Variants in CHD3 observed in about 807,000 individuals in gnomAD.
CHD3 encodes chromodomain helicase DNA binding protein 3.
Under a neutral mutation model 248.9 loss-of-function variants are expected in CHD3, and 52 were observed. The ratio of observed to expected loss-of-function variants is 0.21; its 90% CI spans 0.17 to 0.26. The LOEUF is 0.26. Ranked by LOEUF, CHD3 falls within the 10% of genes least tolerant of loss-of-function variation. The probability of loss-of-function intolerance (pLI) is 1.00; values close to 1 mark genes in which losing one functional copy is unlikely to be tolerated. For missense variants in CHD3, 1,482 were observed against 2,605.8 expected, an observed-to-expected ratio of 0.57 and a Z score of 9.39; for synonymous variants, 985 against 985.2, an observed-to-expected ratio of 1.00 and a Z score of 0.00.
chr17:7,889,804 G>A lies in CHD3; in HGVS notation c.213+28G>A. The A allele has an allele frequency of 6.3e-7, 1 of 1,580,148 alleles. No individual in the cohort carries two copies. The highest frequency in any genetic ancestry group is 8.6e-7 in the Non-Finnish European group (1 of 1,157,160). ...AAGTGTCAAGAATTCCTAACTCTGT[G>A]GCAAGGCTCAAGAGACCCATTCTCA... On this transcript the variant is annotated intron_variant, in intron 2 of 39. Transcript: ENST00000330494. The surrounding 1 kb of genome is among the most constrained non-coding windows in gnomAD (Gnocchi z 4.5).
chr17:7,904,238 G>A lies in CHD3; in HGVS notation c.3895-204G>A, dbSNP rs1970646380. 1.6e-6 allele frequency: 1 copy of A among 626,798 alleles called. No individual in the cohort carries two copies. The highest frequency in any genetic ancestry group is 2.8e-6 in the Non-Finnish European group (1 of 358,928). The allele number at this position is 626,798 out of a possible 1,614,324, so 38.8% of individuals were successfully genotyped here. On this transcript the variant is annotated intron_variant, in intron 24 of 39. Transcript: ENST00000330494. The surrounding 1 kb of genome is among the most constrained non-coding windows in gnomAD (Gnocchi z 4.4). ...ACACTGTCAGAGGGATTAGAGGAGAGATTTAGAAAACATGAGGAGAGCACA... is the reference window on the plus strand; with the variant it reads ...ACACTGTCAGAGGGATTAGAGGAGAAATTTAGAAAACATGAGGAGAGCACA...
At chr17:7,884,979 ACGACCGGGGCCG>A (rs1967523566), upstream of CHD3, 2 of 1,237,820 alleles carry the variant, frequency 1.6e-6, no homozygotes, top group African/African-American at 1.6e-5. Flanking sequence ...GGGCCGGGCC[ACGACCGGGGCCG>A]CGACCGCCAC....
In CHD3 at chr17:7,899,976, C is replaced by G; in HGVS notation, c.2625C>G (p.Ile875Met). 1 of 1,614,114 alleles carries G rather than the reference C, an allele frequency of 6.2e-7. No homozygotes were observed. Among genetic ancestry groups the G allele is most frequent in the Non-Finnish European group, 8.5e-7 (1 of 1,180,018 alleles). ...ITIDQAALGS[I>M]RWACLVVDEA... ...TTGATCAGGCAGCACTTGGTTCCAT[C>G]CGCTGGGCCTGTCTTGTGGTAGATG... is the stretch of plus-strand genomic sequence containing the variant. Residue 875 changes from isoleucine to methionine, a missense_variant, in exon 16 of 40, where the codon ATC (isoleucine) becomes ATG (methionine). By Grantham distance (10) the Ile-to-Met change is conservative. Transcript: ENST00000330494. This position sits in a 1 kb window ranked among gnomAD's most constrained non-coding sequence, Gnocchi z 6.8.
At chr17:7,885,031 G>A (rs1282202075), upstream of CHD3, 5 of 1,118,116 alleles carry the variant, frequency 4.5e-6, no homozygotes, top group East Asian at 4.6e-5. Context: ...TCTTCCCGCC[G>A]CCGCCGCCGC....
At chr17:7,891,183 A>G (rs1389878176) in intron 4 of CHD3, 119 bp downstream of exon 4, 1 of 1,195,336 alleles carries the variant, frequency 8.4e-7, no homozygotes, top group East Asian at 2.4e-5. Context: ...CGGTGTATAC[A>G]CACCAAATTC....
At chr17:7,893,003 T>C (rs917782460) in intron 4 of CHD3, among the ~76,000 whole-genome samples, 4 of 152,000 alleles carry the variant, frequency 2.6e-5, no homozygotes, top group African/African-American at 9.7e-5. Flanking sequence ...GCTTATCTCA[T>C]AGCCCTGGGC....
In CHD3 at chr17:7,903,120, A is replaced by C; in HGVS notation, c.3495+59A>C. 6.3e-7 allele frequency: 1 copy of C among 1,592,590 alleles called. No individual in the cohort carries two copies. Among genetic ancestry groups the C allele is most frequent in the South Asian group, 1.1e-5 (1 of 89,326 alleles). On this transcript the variant is annotated intron_variant, in intron 22 of 39. Transcript: ENST00000330494. This position sits in a 1 kb window ranked among gnomAD's most constrained non-coding sequence, Gnocchi z 6.8. Reference sequence around the variant, plus strand: ...TTAGCAAGGAGATGTGGGTTCATGGAGGAGGGTGTCATGTTCCGGGGTCAG... The same window carrying C: ...TTAGCAAGGAGATGTGGGTTCATGGCGGAGGGTGTCATGTTCCGGGGTCAG...
At chr17:7,885,171 G>A, upstream of CHD3, 1 of 980,628 alleles carries the variant, frequency 1.0e-6, no homozygotes, top group Non-Finnish European at 1.2e-6. Context: ...CCACCGCGCG[G>A]CCGAGCCGAG....
rs1391986647 is a variant in CHD3, at chr17:7,903,908, A to G, written c.3811A>G (p.Thr1271Ala). The change falls in exon 24 of 40, where the codon ACT becomes GCT. Residue 1271 changes from threonine to alanine, a missense_variant. By Grantham distance (58) the Thr-to-Ala change is moderately conservative (BLOSUM62 0). Coordinates refer to ENST00000330494, the MANE Select transcript of CHD3 (RefSeq NM_001005273.3). This position sits in a 1 kb window ranked among gnomAD's most constrained non-coding sequence, Gnocchi z 6.8. ...GCTGTTGGACCGGAACCAGGATGCA[A>G]CTGAGGACACTGACGTGCAGAACAT... The part of the protein sequence containing the change: ...ARLLDRNQDA[T>A]EDTDVQNMNE... The G allele has an allele frequency of 9.9e-6, 16 of 1,614,182 alleles. No homozygotes were observed. The highest frequency in any genetic ancestry group is 1.4e-5 in the Non-Finnish European group (16 of 1,180,016).
At position 7,909,257 on chromosome 17, in the gene CHD3, G is replaced by C; in HGVS notation, c.5509G>C (p.Glu1837Gln). The change falls in exon 37 of 40, where the codon GAG becomes CAG. Residue 1837 changes from glutamate to glutamine, a missense_variant. Glu to Gln is a conservative substitution (Grantham distance 29). Transcript: ENST00000330494. The surrounding 1 kb of genome is among the most constrained non-coding windows in gnomAD (Gnocchi z 8.1). ...MALHARFAEA[E>Q]CLAESHQHLS... The stretch of plus-strand genomic sequence containing the variant: ...CCTCCACGCCCGCTTCGCCGAGGCC[G>C]AGTGCCTGGCCGAGAGCCACCAGCA... 1 of 1,555,226 alleles carries C rather than the reference G, an allele frequency of 6.4e-7. No individual in the cohort carries two copies. Among genetic ancestry groups the C allele is most frequent in the Non-Finnish European group, 8.7e-7 (1 of 1,150,902 alleles).
rs1567863393 is a variant in CHD3, at chr17:7,904,332, G to T, written c.3895-110G>T. 3 of 996,454 alleles carry T rather than the reference G, an allele frequency of 3.0e-6. No individual in the cohort carries two copies. In the East Asian group the frequency reaches 7.2e-5, roughly 24 times the overall value. 61.7% of individuals were successfully genotyped at this position (996,454 alleles called of 1,614,324 possible). A position where few individuals can be genotyped will look rare whatever the true frequency, so the allele number is the denominator to read the frequency against. On this transcript the variant is annotated intron_variant, in intron 24 of 39. Transcript: ENST00000330494. This position sits in a 1 kb window ranked among gnomAD's most constrained non-coding sequence, Gnocchi z 4.4. ...ATGTATGCAGAGCCACGAAGCTGCA[G>T]GAGTGGGGAGACCGGATTGGGCTGA...
In CHD3 at chr17:7,895,939, T is replaced by C. The variant is rs935849756; in HGVS notation, c.1707+397T>C. ...AACCCCATCTCTGTTTAAAAAAAAA[T>C]TCTCGGCTGGGTGTGGTGGCTCACG... On this transcript the variant is annotated intron_variant, in intron 10 of 39. Transcript: ENST00000330494. The surrounding 1 kb of genome is among the most constrained non-coding windows in gnomAD (Gnocchi z 4.9). 1.3e-5 allele frequency among the ~76,000 whole-genome samples: 2 copies of C among 151,852 alleles called. No individual in the cohort carries two copies. Among genetic ancestry groups the C allele is most frequent in the Non-Finnish European group, 2.9e-5 (2 of 67,942 alleles).
At position 7,911,022 on chromosome 17, in the gene CHD3, A is replaced by G. The variant is rs760956302; in HGVS notation, c.5881+49A>G. 6.2e-7 allele frequency: 1 copy of G among 1,607,202 alleles called. No individual in the cohort carries two copies. The highest frequency in any genetic ancestry group is 8.5e-7 in the Non-Finnish European group (1 of 1,177,968). On this transcript the variant is annotated intron_variant, in intron 39 of 39. Transcript: ENST00000330494. The surrounding 1 kb of genome is among the most constrained non-coding windows in gnomAD (Gnocchi z 5.4). ...CTGCTACTCACACTCCTCCTTTGCC[A>G]AACTTTATTTCTGCTCAGCTGCCCT...
At chr17:7,886,244 C>T (rs1188356306), upstream of CHD3, among the ~76,000 whole-genome samples, 2 of 152,246 alleles carry the variant, frequency 1.3e-5, no homozygotes, top group African/African-American at 4.8e-5. This position sits in a 1 kb window ranked among gnomAD's most constrained non-coding sequence, Gnocchi z 4.2. Context: ...GGGCGGCGCT[C>T]TCCAGACCGC....
chr17:7,907,537 C>T lies in CHD3; in HGVS notation c.4924+49C>T. Reference sequence around the variant, plus strand: ...ATGGGGGATTAGAATTTGGGATTTCCCTCTTCTGGGGTCAGGGGATGAGGG... The same window carrying T: ...ATGGGGGATTAGAATTTGGGATTTCTCTCTTCTGGGGTCAGGGGATGAGGG... On this transcript the variant is annotated intron_variant, in intron 32 of 39. Transcript: ENST00000330494. This position sits in a 1 kb window ranked among gnomAD's most constrained non-coding sequence, Gnocchi z 4.3. 6.5e-7 allele frequency: 1 copy of T among 1,533,920 alleles called. No homozygotes were observed. Among genetic ancestry groups the T allele is most frequent in the Non-Finnish European group, 8.8e-7 (1 of 1,140,988 alleles).
In CHD3 at chr17:7,907,683, A is replaced by G. The variant is rs369420111; in HGVS notation, c.5007A>G (p.Thr1669=). 54 of 1,534,722 alleles carry G rather than the reference A, an allele frequency of 3.5e-5. No individual in the cohort carries two copies. Among genetic ancestry groups the G allele is most frequent in the Non-Finnish European group, 3.9e-5 (45 of 1,146,922 alleles). The change falls in exon 33 of 40, where the codon ACA becomes ACG. Residue 1669 remains threonine, a synonymous_variant. Transcript: ENST00000330494. This position sits in a 1 kb window ranked among gnomAD's most constrained non-coding sequence, Gnocchi z 4.3. ...ACAGGGAGAGGCCGGAGGGGGAAAC[A>G]GGGGATTTGGGCAAGAGAGGTAATG... The part of the protein sequence containing the change: ...QEHRERPEGE[T]GDLGKREDVK...
At chr17:7,894,630 C>A (rs751040698) in intron 8 of CHD3, 22 bp downstream of exon 8, 7 of 1,595,318 alleles carry the variant, frequency 4.4e-6, no homozygotes, top group Admixed American at 1.7e-5. Context: ...ATGCCAGCAT[C>A]TGATGGCCCT....
In CHD3 at chr17:7,904,949, A is replaced by G. The variant is rs1264867400; in HGVS notation, c.4073-151A>G. ...GTAGGATATGCGGCTCCCAAGTCAG[A>G]CTTTGGGCAGTGATCTGGTGTTCCC... On this transcript the variant is annotated intron_variant, in intron 25 of 39. Coordinates refer to ENST00000330494, the MANE Select transcript of CHD3 (RefSeq NM_001005273.3). The surrounding 1 kb of genome is among the most constrained non-coding windows in gnomAD (Gnocchi z 4.4). 14 of 727,020 alleles carry G rather than the reference A, an allele frequency of 1.9e-5. No individual in the cohort carries two copies. In the Admixed American group the frequency reaches 3.2e-4, roughly 17 times the overall value. 45.0% of individuals were successfully genotyped at this position (727,020 alleles called of 1,614,324 possible).
rs752600370 is a variant in CHD3 at position 7,904,652 on chromosome 17, G to C, written c.4072+33G>C. The C allele has an allele frequency of 6.3e-7, 1 of 1,593,416 alleles. No individual in the cohort carries two copies. The highest frequency in any genetic ancestry group is 8.6e-7 in the Non-Finnish European group (1 of 1,164,340). ...CTGCCCCAGATGCAGGCAGTAAAGG[G>C]GGGAAGTGATGATGAGTAGGGACTT... On this transcript the variant is annotated intron_variant, in intron 25 of 39. Coordinates refer to ENST00000330494, the MANE Select transcript of CHD3 (RefSeq NM_001005273.3). The surrounding 1 kb of genome is among the most constrained non-coding windows in gnomAD (Gnocchi z 4.4).
Sources: gnomAD v4.1 joint callset for allele counts (sites outside exome capture counted in the v4.1 genomes callset) on GRCh38, gnomAD v4.1.1 for gene constraint, Gnocchi (gnomAD v3.1) non-coding constraint, MANE v1.5 for transcripts, NCBI Gene and HGNC (gene_info 2026-07-23, HGNC 2026-07-21) for gene names.